Variants in LRBA observed in about 807,000 individuals in gnomAD.
The protein encoded by LRBA is LPS responsive beige-like anchor protein.
In LRBA, 176 loss-of-function variants were observed where a neutral mutation model predicts 330.0. That is an observed-to-expected ratio of 0.53 (90% CI 0.47 to 0.60). LRBA has a LOEUF of 0.60. Among genes scored for constraint, LRBA ranks in the 20% least tolerant of loss-of-function variants. The pLI is 0.00. For missense variants in LRBA, 3,259 were observed against 3,444.8 expected (o/e 0.95, Z 1.35); for synonymous variants, 1,230 against 1,193.0 (o/e 1.03, Z -0.64).
At chr4:150,430,728 A>G (rs1457124156) in intron 46 of LRBA, among the ~76,000 whole-genome samples, 1 of 152,016 alleles carries the variant, frequency 6.6e-6, no homozygotes, top group Non-Finnish European at 1.5e-5. Context: ...ATAATATATT[A>G]TTATATTAAA....
intron 37 of LRBA, among the ~76,000 whole-genome samples, chr4:150,638,044 G>A (rs987027221): frequency 6.6e-6 from 1 of 151,748 alleles, no homozygotes; most frequent in African/African-American, 2.4e-5. Flanking sequence ...GGGCATACTA[G>A]CATCCTACAT....
chr4:150,328,964 A>G (rs1221189701), intron 48 of LRBA, among the ~76,000 whole-genome samples: 1 of 152,238 alleles, frequency 6.6e-6, no homozygotes, highest in Non-Finnish European at 1.5e-5. Flanking sequence ...AAGGTTATGG[A>G]TGAGACAACT....
intron 44 of LRBA, among the ~76,000 whole-genome samples, chr4:150,460,862 C>G (rs991034678): frequency 6.6e-6 from 1 of 151,780 alleles, no homozygotes; most frequent in African/African-American, 2.4e-5. Flanking sequence ...TTTATCTTGG[C>G]CATTCCTGTT....
At chr4:150,565,709 A>G (rs1404722022) in intron 40 of LRBA, among the ~76,000 whole-genome samples, 3 of 152,076 alleles carry the variant, frequency 2.0e-5, no homozygotes, top group Non-Finnish European at 4.4e-5. Context: ...TTTAACACAT[A>G]AAACACTTAA....
In LRBA at chr4:150,736,892, A is replaced by C. The variant is rs567550061; in HGVS notation, c.5646-1526T>G. ...CCTAATGGAAGCCAGATAAGAATGCAATGACCTATTTGAAATACTAAACAA... is the reference window on the plus strand; with the variant it reads ...CCTAATGGAAGCCAGATAAGAATGCCATGACCTATTTGAAATACTAAACAA... On this transcript the variant is annotated intron_variant, in intron 35 of 56. Coordinates refer to ENST00000651943, the MANE Select transcript of LRBA (RefSeq NM_001364905.1). Among the ~76,000 whole-genome samples, 23 of 152,258 alleles carry C rather than the reference A, an allele frequency of 1.5e-4. No individual in the cohort carries two copies. The South Asian group carries it at 4.6e-3, about 30-fold the overall frequency.
At chr4:150,419,243 A>C (rs573501699) in intron 46 of LRBA, among the ~76,000 whole-genome samples, 113 of 152,310 alleles carry the variant, frequency 7.4e-4, no homozygotes, top group Non-Finnish European at 9.4e-4. Context: ...TGCATGGTGC[A>C]CATAGGGAAG....
At chr4:150,529,558 ATAC>A (rs760336442) in intron 40 of LRBA, among the ~76,000 whole-genome samples, 7 of 152,096 alleles carry the variant, frequency 4.6e-5, no homozygotes, top group Non-Finnish European at 1.0e-4. Flanking sequence ...TCTACTAAGA[ATAC>A]AAAAATTAGC....
At chr4:150,901,829 G>A (rs1043679602) in intron 13 of LRBA, among the ~76,000 whole-genome samples, 1 of 152,164 alleles carries the variant, frequency 6.6e-6, no homozygotes, top group Non-Finnish European at 1.5e-5. Context: ...TTATTTTGAT[G>A]TAGCTACTGC....
At chr4:150,488,883 T>TAATATATACACACACATAAG (rs1203269963) in intron 41 of LRBA, among the ~76,000 whole-genome samples, 2 of 144,284 alleles carry the variant, frequency 1.4e-5, no homozygotes, top group Non-Finnish European at 1.5e-5. Flanking sequence ...AGTAATGTCA[T>TAATATATACACACACATAAG]AATATATACA....
chr4:150,530,168 G>GA (rs2152197615), intron 40 of LRBA, among the ~76,000 whole-genome samples: 1 of 152,126 alleles, frequency 6.6e-6, no homozygotes, highest in East Asian at 1.9e-4. Flanking sequence ...AACCATTTAA[G>GA]AAAAGAACTG....
At chr4:150,541,905 G>C (rs1281362736) in intron 40 of LRBA, among the ~76,000 whole-genome samples, 1 of 152,002 alleles carries the variant, frequency 6.6e-6, no homozygotes, top group African/African-American at 2.4e-5. Flanking sequence ...ACCTGGTCTT[G>C]AGCTGGTCTC....
At chr4:150,422,945 T>G in intron 46 of LRBA, 1 of 786,442 alleles carries the variant, frequency 1.3e-6, no homozygotes, top group Non-Finnish European at 2.3e-6. Context: ...ACTTCATTCT[T>G]AATGACGTTC....
chr4:150,693,453 A>G (rs1784323908), intron 36 of LRBA, among the ~76,000 whole-genome samples: 1 of 145,778 alleles, frequency 6.9e-6, no homozygotes, highest in Non-Finnish European at 1.5e-5. Flanking sequence ...AGTCCCAGCT[A>G]CTTGGGAGGC....
chr4:150,426,103 C>T (rs1173026284), intron 46 of LRBA, among the ~76,000 whole-genome samples: 2 of 151,870 alleles, frequency 1.3e-5, no homozygotes, highest in East Asian at 3.8e-4. Flanking sequence ...AAAAAATTCA[C>T]TAGAGATCAA....
At position 150,450,369 on chromosome 4, in the gene LRBA, T is replaced by C. The variant is rs972073464; in HGVS notation, c.6781-13505A>G. On this transcript the variant is annotated intron_variant, in intron 44 of 56. Coordinates refer to ENST00000651943, the MANE Select transcript of LRBA (RefSeq NM_001364905.1). ...GGCTAGAAATCTGAAATCAAGTTGT[T>C]GGCAGGTTCATGCTCTCTTTGAAGC... Among the ~76,000 whole-genome samples the C allele has an allele frequency of 3.3e-5, 5 of 152,342 alleles. No individual in the cohort carries two copies. The South Asian group carries it at 1.0e-3, about 32-fold the overall frequency.
rs931377448 is a variant in LRBA, at chr4:150,998,150, G to A, written c.216+16277C>T. 2.0e-5 allele frequency among the ~76,000 whole-genome samples: 3 copies of A among 151,618 alleles called. No homozygotes were observed. The East Asian group carries it at 5.8e-4, about 29-fold the overall frequency. ...GTGGATCACATGAGGTTGGGAGTTCGGGACTGGCCTGACCAAGATGGAGAA... is the reference window on the plus strand; with the variant it reads ...GTGGATCACATGAGGTTGGGAGTTCAGGACTGGCCTGACCAAGATGGAGAA... On this transcript the variant is annotated intron_variant, in intron 2 of 56. Coordinates refer to ENST00000651943, the MANE Select transcript of LRBA (RefSeq NM_001364905.1).
At chr4:150,403,786 C>G (rs1434669450) in intron 47 of LRBA, among the ~76,000 whole-genome samples, 1 of 152,126 alleles carries the variant, frequency 6.6e-6, no homozygotes, top group East Asian at 1.9e-4. Context: ...CTTTGGGAGG[C>G]TGAGGAGGGC....
At chr4:150,869,806 G>A (rs1202999702) in intron 20 of LRBA, among the ~76,000 whole-genome samples, 1 of 152,132 alleles carries the variant, frequency 6.6e-6, no homozygotes, top group African/African-American at 2.4e-5. Flanking sequence ...TGTAATACCA[G>A]CACTTTGGGA....
chr4:150,562,853 G>GC (rs914796663), intron 40 of LRBA, among the ~76,000 whole-genome samples: 9 of 151,804 alleles, frequency 5.9e-5, no homozygotes, highest in African/African-American at 1.9e-4. Flanking sequence ...AGGCTGGAAT[G>GC]CAGTGGGATG....
Sources: gnomAD v4.1 joint callset for allele counts (sites outside exome capture counted in the v4.1 genomes callset) on GRCh38, gnomAD v4.1.1 for gene constraint, MANE v1.5 for transcripts, NCBI Gene and HGNC (gene_info 2026-07-23, HGNC 2026-07-21) for gene names.